The following ANKFN1 variants were observed in gnomAD, a reference collection of about 807,000 sequenced individuals.
ANKFN1 encodes ankyrin repeat and fibronectin type III domain containing 1.
In ANKFN1, 74 loss-of-function variants were observed where a neutral mutation model predicts 108.7. That is an observed-to-expected ratio of 0.68 (90% CI 0.56 to 0.83). The LOEUF (loss-of-function observed/expected upper bound fraction) is 0.83. ANKFN1 is among the 40% of genes least tolerant of loss of function. ANKFN1 has a pLI of 0.00. For synonymous variants in ANKFN1, 547 were observed against 516.2 expected (o/e 1.06, Z -0.81); for missense variants, 1,505 against 1,382.3 (o/e 1.09, Z -1.41).
chr17:56,413,921 G>A (rs188357491), intron 8 of ANKFN1, among the ~76,000 whole-genome samples: 49 of 152,094 alleles, frequency 3.2e-4, no homozygotes, highest in Middle Eastern at 3.4e-3. Context: ...CAGGTGATCC[G>A]CCCACCTCAT....
intron 4 of ANKFN1, among the ~76,000 whole-genome samples, chr17:56,098,914 A>G (rs1181910644): frequency 6.6e-6 from 1 of 152,066 alleles, no homozygotes; most frequent in Non-Finnish European, 1.5e-5. Flanking sequence ...AGAGAAGGAC[A>G]CAATGTCTTT....
At chr17:56,083,300 T>C (rs7211275) in intron 4 of ANKFN1, among the ~76,000 whole-genome samples, 104,192 of 150,872 alleles carry the variant, frequency 0.69, 37,377 homozygotes, top group Middle Eastern at 0.76. Context: ...TCCTCTCCAT[T>C]TTCCTTCCAA....
At chr17:56,324,096 A>C (rs1012915348) in intron 3 of ANKFN1, among the ~76,000 whole-genome samples, 1 of 152,212 alleles carries the variant, frequency 6.6e-6, no homozygotes, top group African/African-American at 2.4e-5. Context: ...TCTGGTATTC[A>C]GAAAGAATAT....
chr17:56,458,069 A>ATGGG, intron 14 of ANKFN1, 90 bp downstream of exon 14: 1 of 1,070,658 alleles, frequency 9.3e-7, no homozygotes, highest in Non-Finnish European at 1.4e-6. Context: ...AAGGAAAAGG[A>ATGGG]TGGGCTCCCT....
chr17:56,503,338 A>G (rs2145463794), intron 20 of ANKFN1, among the ~76,000 whole-genome samples: 1 of 151,852 alleles, frequency 6.6e-6, no homozygotes, highest in Middle Eastern at 3.4e-3. Flanking sequence ...GAATCTGGAG[A>G]TATTATTTCT....
At chr17:56,403,386 A>G (rs1425781233) in intron 8 of ANKFN1, among the ~76,000 whole-genome samples, 1 of 152,074 alleles carries the variant, frequency 6.6e-6, no homozygotes, top group African/African-American at 2.4e-5. Flanking sequence ...CTCCAGTGTT[A>G]GGTGCATATA....
intron 4 of ANKFN1, among the ~76,000 whole-genome samples, chr17:56,110,672 A>T (rs999761451): frequency 6.6e-6 from 1 of 152,286 alleles, no homozygotes; most frequent in African/African-American, 2.4e-5. Context: ...ATGAAGGCCA[A>T]GACTAAACTC....
At chr17:56,048,850 T>C (rs944015690) in intron 4 of ANKFN1, among the ~76,000 whole-genome samples, 2 of 152,200 alleles carry the variant, frequency 1.3e-5, no homozygotes, top group Non-Finnish European at 2.9e-5. Flanking sequence ...AGAGCCAGCA[T>C]AGAGCTAAGC....
rs928413803 is a variant in ANKFN1, at chr17:56,249,100, T to G, written c.53+21143T>G. ...CATTCAGCAAGTAATTTACCTATAG[T>G]GAAGATCATCCTAACCTTTGAAATT... is the stretch of plus-strand genomic sequence containing the variant. On this transcript the variant is annotated intron_variant, in intron 3 of 20. Transcript: ENST00000682825. 2.0e-5 allele frequency among the ~76,000 whole-genome samples: 3 copies of G among 152,114 alleles called. No homozygotes were observed. The East Asian group carries it at 5.8e-4, about 29-fold the overall frequency.
intron 3 of ANKFN1, among the ~76,000 whole-genome samples, chr17:56,309,192 T>G (rs1412098261): frequency 6.6e-6 from 1 of 152,194 alleles, no homozygotes; most frequent in Non-Finnish European, 1.5e-5. Flanking sequence ...AGACATTACT[T>G]TTTTTGATGT....
At chr17:56,319,561 G>A (rs1014583234) in intron 3 of ANKFN1, among the ~76,000 whole-genome samples, 3 of 152,122 alleles carry the variant, frequency 2.0e-5, no homozygotes, top group Non-Finnish European at 4.4e-5. Flanking sequence ...CTACAGTCCA[G>A]ATATCCCTAT....
chr17:56,482,709 G>A (rs1045652032), intron 18 of ANKFN1, 185 bp downstream of exon 18: 2 of 566,088 alleles, frequency 3.5e-6, no homozygotes, highest in Non-Finnish European at 5.5e-6. Context: ...ATGTGCCTGA[G>A]CAATAATTAT....
At chr17:56,456,534 A>T (rs1357327984) in intron 11 of ANKFN1, among the ~76,000 whole-genome samples, 1 of 150,404 alleles carries the variant, frequency 6.6e-6, no homozygotes, top group Non-Finnish European at 1.5e-5. Flanking sequence ...AGTAGCTGTG[A>T]CTACAGACGT....
intron 8 of ANKFN1, among the ~76,000 whole-genome samples, chr17:56,420,715 C>CT (rs560168948): frequency 0.083 from 7,012 of 84,020 alleles, 401 homozygotes; most frequent in African/African-American, 0.21. Flanking sequence ...TTGTTGTTTT[C>CT]TTTTTTTTTT....
chr17:56,314,253 G>A (rs949304494), intron 3 of ANKFN1, among the ~76,000 whole-genome samples: 2 of 152,032 alleles, frequency 1.3e-5, no homozygotes, highest in Non-Finnish European at 2.9e-5. Flanking sequence ...AATTCTTTCC[G>A]TGAGCATTTA....
chr17:56,134,466 A>T lies in ANKFN1; in HGVS notation c.288+88141A>T, dbSNP rs559174477. Among the ~76,000 whole-genome samples, 36 of 152,270 alleles carry T rather than the reference A, an allele frequency of 2.4e-4. No individual in the cohort carries two copies. The South Asian group carries it at 5.8e-3, about 25-fold the overall frequency. On this transcript the variant is annotated intron_variant, in intron 4 of 12. Coordinates refer to the ANKFN1 transcript ENST00000635860. ...TCTTTCTGGTGACCGGCCCCTATCC[A>T]GGAGCCCACCAAGAGTAACCTCAAA...
In ANKFN1 at chr17:56,052,187, A is replaced by C. The variant is rs1904790005; in HGVS notation, c.288+5862A>C. ...TCAAACTATACTACAAGGCTACAGT[A>C]ACCAAAACAGCATGGTACTGGTACC... On this transcript the variant is annotated intron_variant, in intron 4 of 12. Transcript: ENST00000635860. 2.0e-5 allele frequency among the ~76,000 whole-genome samples: 3 copies of C among 152,222 alleles called. No individual in the cohort carries two copies. The South Asian group carries it at 6.2e-4, about 32-fold the overall frequency.
chr17:56,464,876 G>T (rs1468578861), intron 14 of ANKFN1, among the ~76,000 whole-genome samples: 2 of 152,104 alleles, frequency 1.3e-5, no homozygotes, highest in South Asian at 2.1e-4. Context: ...GTTAATAAAT[G>T]GTAGCCAACC....
chr17:56,144,590 G>T (rs1035660111), intron 4 of ANKFN1, among the ~76,000 whole-genome samples: 6 of 152,166 alleles, frequency 3.9e-5, no homozygotes, highest in Non-Finnish European at 7.4e-5. Flanking sequence ...TGGTTTGGGT[G>T]CTTTCTTCTC....
Sources: allele counts gnomAD v4.1 joint callset (sites outside exome capture counted in the v4.1 genomes callset), GRCh38; gene constraint gnomAD v4.1.1; transcripts MANE v1.5; gene names NCBI Gene and HGNC (gene_info 2026-07-23, HGNC 2026-07-21).